The following TSBP1 variants were observed in gnomAD, a reference collection of about 807,000 sequenced individuals.
TSBP1 encodes the protein testis expressed basic protein 1.
Under a neutral mutation model 68.8 loss-of-function variants are expected in TSBP1, and 56 were observed. The ratio of observed to expected loss-of-function variants is 0.81; its 90% confidence interval spans 0.66 to 1.02. The LOEUF is 1.02. Among genes scored for constraint, TSBP1 ranks in the 50% least tolerant of loss-of-function variants. The pLI is 0.00. For synonymous variants in TSBP1, 171 were observed against 208.7 expected (o/e 0.82, Z 1.56); for missense variants, 502 against 641.2 (o/e 0.78, Z 2.34).
At chr6:32,300,617 G>GA in intron 21 of TSBP1, 63 bp downstream of exon 24, 1 of 1,479,138 alleles carries the variant, frequency 6.8e-7, no homozygotes, top group Non-Finnish European at 9.4e-7. Context: ...GAACATTTGG[G>GA]AAAAAGAACT....
Position 32,366,276 on chromosome 6 carries a change from T to C in TSBP1, c.193A>G (p.Ser65Gly), listed in dbSNP as rs1773702153. 2.5e-6 allele frequency: 4 copies of C among 1,599,610 alleles called. No individual in the cohort carries two copies. In the South Asian group the frequency reaches 3.4e-5, roughly 14 times the overall value. The change falls in exon 5 of 23, where the codon AGT (serine) becomes GGT (glycine). Residue 65 changes from serine (S) to glycine (G), a missense_variant. By Grantham distance (56) the Ser-to-Gly change is moderately conservative (BLOSUM62 0). Coordinates refer to ENST00000612031, the Ensembl canonical transcript of TSBP1. ...TCTTAGCAATACAATAATTTACCACTTTGTGTTGAATATGCATGTCGGGAT... is the reference window on the plus strand; with the variant it reads ...TCTTAGCAATACAATAATTTACCACCTTGTGTTGAATATGCATGTCGGGAT...
intron 18 of TSBP1, among the ~76,000 whole-genome samples, chr6:32,320,756 T>A (rs554371869): frequency 1.2e-4 from 19 of 152,296 alleles, no homozygotes; most frequent in Admixed American, 3.3e-4. Flanking sequence ...GGTAAACTTG[T>A]GTCATGGGGG....
intron 2 of TSBP1, 39 bp downstream of exon 2, chr6:32,369,856 GTT>G: frequency 7.9e-7 from 1 of 1,263,254 alleles, no homozygotes. Flanking sequence ...TCCCTCCGTG[GTT>G]TTCACAGGAA....
At chr6:32,293,781 C>T (rs1225351124) in exon 23 of TSBP1, 6 of 1,612,872 alleles carry the variant, frequency 3.7e-6, no homozygotes, top group Admixed American at 1.7e-5. Context: ...GGTATTCCAG[C>T]GTCACTGTCT....
At position 32,337,881 on chromosome 6, in the gene TSBP1, C is replaced by A. The variant is rs926592; in HGVS notation, c.409+1098G>T. ...TAATAATGTTCCATTTGTGTAAATA[C>A]TCCAAGAGGAGTAGACACAGGATGT... On this transcript the variant is annotated intron_variant, in intron 11 of 22. Coordinates refer to ENST00000612031, the Ensembl canonical transcript of TSBP1. The surrounding 1 kb of genome is among the most constrained non-coding windows in gnomAD (Gnocchi z 5.5). 0.23 allele frequency among the ~76,000 whole-genome samples: 34,794 copies of A among 152,146 alleles called. 4,348 individuals are homozygous for A. Among genetic ancestry groups the A allele is most frequent in the African/African-American group, 0.3 (12,428 of 41,478 alleles).
chr6:32,334,829 C>A (rs889717457), intron 14 of TSBP1, among the ~76,000 whole-genome samples: 2 of 152,052 alleles, frequency 1.3e-5, no homozygotes, highest in Non-Finnish European at 2.9e-5. Context: ...GTCAGGAGAT[C>A]GAGACCATTC....
rs1007279533 is a variant in TSBP1 at position 32,333,869 on chromosome 6, A to AT, written c.472+1567dup. 303 of 159,030 alleles carry AT rather than the reference A, an allele frequency of 1.9e-3. 1 individual carries two copies. Among genetic ancestry groups the AT allele is most frequent in the African/African-American group, 5.0e-3 (207 of 41,332 alleles). The allele number at this position is 159,030 out of a possible 1,614,324, so 9.9% of individuals were successfully genotyped here. ...ATAATCCTCGAACTTTTAACTCTGA[A>AT]TTTTTTTTTTCCTGTGTAAAACACC... On this transcript the variant is annotated intron_variant, in intron 14 of 22. Transcript: ENST00000612031. This position sits in a 1 kb window ranked among gnomAD's most constrained non-coding sequence, Gnocchi z 4.2.
At chr6:32,310,761 A>ATATATATATTTTTTTTTTTTTTTTT in intron 19 of TSBP1, among the ~76,000 whole-genome samples, 1 of 144,806 alleles carries the variant, frequency 6.9e-6, no homozygotes. Context: ...ATATATATAT[A>ATATATATATTTTTTTTTTTTTTTTT]TTTTTAATCT....
intron 18 of TSBP1, among the ~76,000 whole-genome samples, chr6:32,319,499 A>C (rs1057037227): frequency 2.0e-5 from 3 of 152,102 alleles, no homozygotes; most frequent in African/African-American, 7.2e-5. Flanking sequence ...TGACACCTAG[A>C]ATGAAATCTG....
At chr6:32,297,587 G>A (rs1397275272) in intron 22 of TSBP1, among the ~76,000 whole-genome samples, 1 of 152,114 alleles carries the variant, frequency 6.6e-6, no homozygotes, top group Non-Finnish European at 1.5e-5. Context: ...GTATCAGAGG[G>A]ATAAATCATT....
At chr6:32,370,407 G>GTGTGTGTGTATATATATA (rs1241237254) in intron 1 of TSBP1, among the ~76,000 whole-genome samples, 31 of 130,690 alleles carry the variant, frequency 2.4e-4, no homozygotes, top group East Asian at 4.3e-4. Context: ...AAGATTTTCT[G>GTGTGTGTGTATATATATA]TATATATATA....
chr6:32,315,772 T>C lies in TSBP1; in HGVS notation c.580A>G (p.Arg194Gly). The change falls in exon 19 of 23, where the codon AGA becomes GGA. Residue 194 changes from arginine (R) to glycine (G), a missense_variant and splice_region_variant. Physicochemically the swap from Arg to Gly is moderately radical, Grantham distance 125 (BLOSUM62 -2). Transcript: ENST00000612031. The surrounding 1 kb of genome is among the most constrained non-coding windows in gnomAD (Gnocchi z 5.4). Reference sequence around the variant, plus strand: ...ACCAGCTGAGAAATAAAGAACTTACTTGCAGTTCTCTGCGAAATTACTAAA... The same window carrying C: ...ACCAGCTGAGAAATAAAGAACTTACCTGCAGTTCTCTGCGAAATTACTAAA... 1 of 1,515,812 alleles carries C rather than the reference T, an allele frequency of 6.6e-7. No homozygotes were observed. Among genetic ancestry groups the C allele is most frequent in the Non-Finnish European group, 8.9e-7 (1 of 1,127,704 alleles). The allele number at this position is 1,515,812 out of a possible 1,614,324, so 93.9% of individuals were successfully genotyped here.
At chr6:32,317,750 A>G (rs533951281) in intron 18 of TSBP1, among the ~76,000 whole-genome samples, 8 of 152,352 alleles carry the variant, frequency 5.3e-5, no homozygotes, top group African/African-American at 1.7e-4. Flanking sequence ...CAAAACCACA[A>G]TGAGATACCA....
In TSBP1 at chr6:32,349,719, A is replaced by G. The variant is rs568064240; in HGVS notation, c.349+21T>C. On this transcript the variant is annotated intron_variant, in intron 9 of 22. Coordinates refer to ENST00000612031, the Ensembl canonical transcript of TSBP1. Reference sequence around the variant, plus strand: ...ATGGGGCTAAATGTCAGCAGAATTGAAGAAAAGTAAAGGAACTTACCAATA... The same window carrying G: ...ATGGGGCTAAATGTCAGCAGAATTGGAGAAAAGTAAAGGAACTTACCAATA... 5.4e-5 allele frequency: 79 copies of G among 1,455,602 alleles called. No homozygotes were observed. The East Asian group carries it at 1.7e-3, about 32-fold the overall frequency. The allele number at this position is 1,455,602 out of a possible 1,614,324, so 90.2% of individuals were successfully genotyped here. A position where few individuals can be genotyped will look rare whatever the true frequency, so the allele number is the denominator to read the frequency against.
Position 32,355,635 on chromosome 6 carries a change from A to G in TSBP1, c.238+14T>C. On this transcript the variant is annotated intron_variant, in intron 7 of 22. Transcript: ENST00000612031. Reference sequence around the variant, plus strand: ...AGGAAGCAAATTTTTGTTAAGAAGCAAGATAATACTTACTGTAATCTCTTT... The same window carrying G: ...AGGAAGCAAATTTTTGTTAAGAAGCGAGATAATACTTACTGTAATCTCTTT... 6.3e-7 allele frequency: 1 copy of G among 1,590,060 alleles called. No individual in the cohort carries two copies.
intron 16 of TSBP1, chr6:32,324,795 A>G (rs769910894): frequency 2.2e-6 from 3 of 1,359,664 alleles, no homozygotes; most frequent in Non-Finnish European, 3.0e-6. Flanking sequence ...TTTTTTTTTT[A>G]ATCAAAGGCA....
intron 4 of TSBP1, 180 bp from the exon 5 acceptor site, chr6:32,366,482 G>A: frequency 1.5e-6 from 1 of 689,368 alleles, no homozygotes. Context: ...AAGTTTATCG[G>A]GCCGGGCGTG....
rs1443127514 is a variant in TSBP1 at position 32,361,302 on chromosome 6, C to T, written c.217+4865G>A. 6.6e-6 allele frequency among the ~76,000 whole-genome samples: 1 copy of T among 152,022 alleles called. No individual in the cohort carries two copies. Among genetic ancestry groups the T allele is most frequent in the Non-Finnish European group, 1.5e-5 (1 of 68,010 alleles). Reference sequence around the variant, plus strand: ...CATTGATGGACTTTTGGGTTGGTTCCAAGTCTTTGCTATTGTGAATAGTGC... The same window carrying T: ...CATTGATGGACTTTTGGGTTGGTTCTAAGTCTTTGCTATTGTGAATAGTGC... On this transcript the variant is annotated intron_variant, in intron 6 of 22. Coordinates refer to ENST00000612031, the Ensembl canonical transcript of TSBP1. The surrounding 1 kb of genome is among the most constrained non-coding windows in gnomAD (Gnocchi z 4.3).
intron 4 of TSBP1, among the ~76,000 whole-genome samples, chr6:32,367,200 T>G (rs1262471282): frequency 6.7e-6 from 1 of 150,252 alleles, no homozygotes; most frequent in Non-Finnish European, 1.5e-5. Flanking sequence ...TCTTGTTGAG[T>G]TCTGGAGATA....
Sources: allele counts gnomAD v4.1 joint callset (sites outside exome capture counted in the v4.1 genomes callset), GRCh38; gene constraint gnomAD v4.1.1; non-coding constraint Gnocchi (gnomAD v3.1); transcripts MANE v1.5; gene names NCBI Gene and HGNC (gene_info 2026-07-23, HGNC 2026-07-21).